Variants in ULK4 observed in about 807,000 individuals in gnomAD.
The protein encoded by ULK4 is unc-51 like kinase 4, also known as inactive serine/threonine-protein kinase ULK4.
In ULK4, 133 loss-of-function variants were observed where a neutral mutation model predicts 160.6. That is an observed-to-expected ratio of 0.83 (90% CI 0.72 to 0.96). The LOEUF (loss-of-function observed/expected upper bound fraction) is 0.96, where lower values mean the gene tolerates loss of function less well. Ranked by LOEUF, ULK4 falls within the 40% of genes least tolerant of loss-of-function variation. The pLI is 0.00. For synonymous variants in ULK4, 534 were observed against 539.8 expected, an observed-to-expected ratio of 0.99 and a Z score of 0.15; for missense variants, 1,580 against 1,499.5, an observed-to-expected ratio of 1.05 and a Z score of -0.89.
At chr3:41,566,244 T>C in intron 31 of ULK4, 114 bp from the exon 32 acceptor site, 2 of 848,048 alleles carry the variant, frequency 2.4e-6, no homozygotes, top group Non-Finnish European at 3.7e-6. Context: ...GTTAAATGAT[T>C]ACCTTTTTGC....
intron 17 of ULK4, chr3:41,882,280 T>C: frequency 1.4e-6 from 1 of 702,974 alleles, no homozygotes; most frequent in Non-Finnish European, 2.6e-6. Context: ...GAGCTTGTAG[T>C]CTAGTGTGGA....
intron 34 of ULK4, among the ~76,000 whole-genome samples, chr3:41,410,152 A>ATCT (rs1245302113): frequency 1.3e-5 from 2 of 152,124 alleles, no homozygotes; most frequent in Non-Finnish European, 2.9e-5. Flanking sequence ...TTAGACACAG[A>ATCT]TTTACTATAT....
rs2041831864 is a variant in ULK4 at position 41,838,826 on chromosome 3, A to T, written c.1657-2855T>A. ...TCAACACCCCCCTCTCATGCACAGA[A>T]AGACAAATACTGCATCATCTTCCTC... On this transcript the variant is annotated intron_variant, in intron 17 of 36. Coordinates refer to ENST00000301831, the MANE Select transcript of ULK4 (RefSeq NM_017886.4). 2.0e-5 allele frequency among the ~76,000 whole-genome samples: 3 copies of T among 152,202 alleles called. No homozygotes were observed. In the South Asian group the frequency reaches 6.2e-4, roughly 32 times the overall value.
intron 36 of ULK4, among the ~76,000 whole-genome samples, chr3:41,248,088 G>A (rs1407823177): frequency 1.3e-5 from 2 of 152,206 alleles, no homozygotes; most frequent in Non-Finnish European, 2.9e-5. Flanking sequence ...TCCAGCATGA[G>A]GATGTGCTAT....
chr3:41,263,226 C>T (rs985567454), intron 35 of ULK4, among the ~76,000 whole-genome samples: 2 of 152,180 alleles, frequency 1.3e-5, no homozygotes, highest in Non-Finnish European at 2.9e-5. Context: ...AAACCTGATC[C>T]AAGCAAATAC....
chr3:41,922,357 T>G (rs1022213234), intron 5 of ULK4, among the ~76,000 whole-genome samples: 3 of 151,926 alleles, frequency 2.0e-5, no homozygotes, highest in African/African-American at 7.3e-5. Context: ...CATGGTGGTA[T>G]ACATCTGCAG....
intron 16 of ULK4, among the ~76,000 whole-genome samples, chr3:41,892,407 C>T (rs1163806072): frequency 6.6e-5 from 10 of 152,228 alleles, no homozygotes; most frequent in Admixed American, 6.5e-4. Flanking sequence ...ATGTTCACAG[C>T]AGCATTGTTC....
chr3:41,290,073 C>G (rs960709412), intron 35 of ULK4, among the ~76,000 whole-genome samples: 1 of 152,122 alleles, frequency 6.6e-6, no homozygotes, highest in East Asian at 1.9e-4. Flanking sequence ...CGGAGTTCCT[C>G]CATGTTGGTC....
At chr3:41,776,497 C>G (rs1448169963) in intron 21 of ULK4, among the ~76,000 whole-genome samples, 1 of 150,452 alleles carries the variant, frequency 6.6e-6, no homozygotes, top group East Asian at 1.9e-4. Context: ...TACAGTCACA[C>G]TACAAAGTAC....
At chr3:41,302,994 A>G (rs1333655542) in intron 35 of ULK4, among the ~76,000 whole-genome samples, 1 of 152,240 alleles carries the variant, frequency 6.6e-6, no homozygotes. Flanking sequence ...GACTATAGAC[A>G]AAGACTAGAA....
intron 7 of ULK4, among the ~76,000 whole-genome samples, chr3:41,917,072 T>C (rs1698993211): frequency 6.6e-6 from 1 of 152,198 alleles, no homozygotes; most frequent in African/African-American, 2.4e-5. Flanking sequence ...CTAAGAATAT[T>C]TGCAATCCCT....
intron 35 of ULK4, among the ~76,000 whole-genome samples, chr3:41,352,789 G>C (rs1283009442): frequency 6.6e-6 from 1 of 152,166 alleles, no homozygotes; most frequent in African/African-American, 2.4e-5. Context: ...AGGAGAGTGC[G>C]TGGCTTGCAG....
intron 18 of ULK4, among the ~76,000 whole-genome samples, chr3:41,826,607 A>C (rs2041364337): frequency 6.8e-6 from 1 of 146,218 alleles, no homozygotes; most frequent in African/African-American, 2.7e-5. Context: ...AAGAAGAGCT[A>C]ACTATCCTAA....
chr3:41,738,412 A>G (rs1378651461), intron 22 of ULK4, among the ~76,000 whole-genome samples: 1 of 151,926 alleles, frequency 6.6e-6, no homozygotes, highest in Non-Finnish European at 1.5e-5. Context: ...GTTCATGTTC[A>G]CTGCCTTGCC....
chr3:41,771,126 G>C (rs1334728203), intron 21 of ULK4, among the ~76,000 whole-genome samples: 1 of 152,142 alleles, frequency 6.6e-6, no homozygotes, highest in East Asian at 1.9e-4. Flanking sequence ...ACTCCATCAA[G>C]TAGTAAGTTT....
chr3:41,370,453 G>C (rs879462399), intron 35 of ULK4, among the ~76,000 whole-genome samples: 4 of 152,154 alleles, frequency 2.6e-5, no homozygotes, highest in African/African-American at 7.2e-5. Flanking sequence ...GAGGTACTCA[G>C]CTCATCTCAC....
chr3:41,553,404 A>T (rs1276350195), intron 32 of ULK4, among the ~76,000 whole-genome samples: 1 of 152,002 alleles, frequency 6.6e-6, no homozygotes, highest in African/African-American at 2.4e-5. Context: ...ACAAAACAAT[A>T]ATAATTCCAT....
chr3:41,696,732 C>T (rs2036517013), intron 27 of ULK4, among the ~76,000 whole-genome samples: 2 of 137,384 alleles, frequency 1.5e-5, no homozygotes, highest in Non-Finnish European at 2.9e-5. Flanking sequence ...AGGGAATTTG[C>T]AGATGAGGTT....
At chr3:41,442,158 A>G (rs1411580705) in intron 34 of ULK4, among the ~76,000 whole-genome samples, 1 of 152,226 alleles carries the variant, frequency 6.6e-6, no homozygotes, top group Non-Finnish European at 1.5e-5. Context: ...GTGGACTGTT[A>G]GCTGATGGGA....
Sources: allele counts gnomAD v4.1 joint callset (sites outside exome capture counted in the v4.1 genomes callset), GRCh38; gene constraint gnomAD v4.1.1; transcripts MANE v1.5; gene names NCBI Gene and HGNC (gene_info 2026-07-23, HGNC 2026-07-21).